Variants in GOLGA8A observed in about 807,000 individuals in gnomAD.
GOLGA8A encodes the protein golgin A8 family member A.
A neutral mutation model predicts 22.1 loss-of-function variants in GOLGA8A; 3 were observed. The observed-to-expected ratio is 0.14, with a 90% confidence interval of 0.06 to 0.35. GOLGA8A has a LOEUF of 0.35. GOLGA8A is among the 10% of genes least tolerant of loss of function. GOLGA8A has a pLI of 1.00. For synonymous variants in GOLGA8A, 7 were observed against 91.7 expected (o/e 0.08, Z 5.28); for missense variants, 16 against 233.2 (o/e 0.07, Z 6.07).
chr15:34,432,700 A>T (rs561732354), intron 2 of GOLGA8A, among the ~76,000 whole-genome samples: 9 of 149,194 alleles, frequency 6.0e-5, no homozygotes, highest in African/African-American at 2.2e-4. Context: ...ACAGTCACTC[A>T]ACGCAGGTAC....
At chr15:34,429,649 G>A (rs1893139442) in intron 2 of GOLGA8A, among the ~76,000 whole-genome samples, 1 of 148,558 alleles carries the variant, frequency 6.7e-6, no homozygotes, top group Non-Finnish European at 1.5e-5. Context: ...CCTTCCTCCT[G>A]ATCCCACCCA....
Position 34,423,917 on chromosome 15 carries a change from G to A in GOLGA8A, c.-1123+11466C>T, listed in dbSNP as rs377141014. On this transcript the variant is annotated intron_variant, in intron 2 of 24. Transcript: ENST00000359187. Reference sequence around the variant, plus strand: ...ACCACCACTGCCTGGGGGTCCTCACGTTTGGAGGAAGCAGCTGAGGCTACC... The same window carrying A: ...ACCACCACTGCCTGGGGGTCCTCACATTTGGAGGAAGCAGCTGAGGCTACC... Among the ~76,000 whole-genome samples, 6 of 148,896 alleles carry A rather than the reference G, an allele frequency of 4.0e-5. No homozygotes were observed. In the East Asian group the frequency reaches 6.0e-4, roughly 15 times the overall value.
At chr15:34,434,364 T>C (rs77496787) in intron 2 of GOLGA8A, among the ~76,000 whole-genome samples, 1 of 149,344 alleles carries the variant, frequency 6.7e-6, no homozygotes, top group Non-Finnish European at 1.5e-5. Flanking sequence ...ACAGAAATCA[T>C]AAAGCACACA....
chr15:34,421,594 G>T (rs1453343667), intron 2 of GOLGA8A, among the ~76,000 whole-genome samples: 2 of 143,844 alleles, frequency 1.4e-5, no homozygotes, highest in African/African-American at 5.1e-5. Flanking sequence ...GACTGCATGG[G>T]TTGAGGCACT....
chr15:34,384,662 TACAC>T (rs137863515), intron 16 of GOLGA8A, among the ~76,000 whole-genome samples: 1,062 of 2,544 alleles, frequency 0.42, 103 homozygotes, highest in Non-Finnish European at 0.44. Flanking sequence ...TCATACTATG[TACAC>T]ACACACACAC....
intron 2 of GOLGA8A, among the ~76,000 whole-genome samples, chr15:34,427,357 C>G (rs543982396): frequency 6.8e-6 from 1 of 146,512 alleles, no homozygotes; most frequent in Non-Finnish European, 1.5e-5. Flanking sequence ...AAAAAATTCA[C>G]CAGAAGTTCC....
chr15:34,436,502 T>C (rs72724807), intron 1 of GOLGA8A, among the ~76,000 whole-genome samples: 14,145 of 149,628 alleles, frequency 0.095, 1,799 homozygotes, highest in South Asian at 0.25. Flanking sequence ...AGTAAGCCTT[T>C]CTTCTGCCAG....
At chr15:34,435,797 G>A (rs1338004284) in intron 1 of GOLGA8A, among the ~76,000 whole-genome samples, 1 of 148,956 alleles carries the variant, frequency 6.7e-6, no homozygotes, top group South Asian at 2.2e-4. Flanking sequence ...GCCCAGAGAG[G>A]GAGCCCACTC....
intron 2 of GOLGA8A, among the ~76,000 whole-genome samples, chr15:34,430,456 C>G (rs895734477): frequency 6.7e-6 from 1 of 149,076 alleles, no homozygotes; most frequent in African/African-American, 2.5e-5. Context: ...ATGCCATTCC[C>G]GAGACAATCA....
Position 34,431,929 on chromosome 15 carries a change from G to A in GOLGA8A, c.-1123+3454C>T, listed in dbSNP as rs998960081. On this transcript the variant is annotated intron_variant, in intron 2 of 24. Coordinates refer to ENST00000359187, the MANE Select transcript of GOLGA8A (RefSeq NM_181077.5). The stretch of plus-strand genomic sequence containing the variant: ...ATATGCTATCATTCACCAAAACAAT[G>A]TCATGTGATGCATGACAGTACATAT... Among the ~76,000 whole-genome samples the A allele has an allele frequency of 1.9e-4, 28 of 148,858 alleles. 2 individuals are homozygous for A. Among genetic ancestry groups the A allele is most frequent in the African/African-American group, 6.7e-4 (27 of 40,282 alleles).
At position 34,427,330 on chromosome 15, in the gene GOLGA8A, C is replaced by CAA. The variant is rs67775520; in HGVS notation, c.-1123+8051_-1123+8052dup. Among the ~76,000 whole-genome samples, 242 of 78,700 alleles carry CAA rather than the reference C, an allele frequency of 3.1e-3. 5 individuals carry two copies. Among genetic ancestry groups the CAA allele is most frequent in the African/African-American group, 9.0e-3 (164 of 18,154 alleles). 51.6% of individuals were successfully genotyped at this position (78,700 alleles called of 152,430 possible). A position where few individuals can be genotyped will look rare whatever the true frequency, so the allele number is the denominator to read the frequency against. On this transcript the variant is annotated intron_variant, in intron 2 of 24. Transcript: ENST00000359187. Reference sequence around the variant, plus strand: ...TGGGTGACAGAGTGAGACTCCGTCACAAAAAAAAAAAAAAAAAAAAAATTC... The same window carrying CAA: ...TGGGTGACAGAGTGAGACTCCGTCACAAAAAAAAAAAAAAAAAAAAAAAATTC...
At chr15:34,431,182 T>C (rs1265950190) in intron 2 of GOLGA8A, among the ~76,000 whole-genome samples, 1 of 147,272 alleles carries the variant, frequency 6.8e-6, no homozygotes, top group East Asian at 2.0e-4. Context: ...TAAACGATAC[T>C]TGTTTATTAA....
intron 2 of GOLGA8A, chr15:34,428,846 GCTT>G (rs1415604792): frequency 7.0e-6 from 1 of 143,032 alleles, no homozygotes; most frequent in African/African-American, 2.6e-5. Flanking sequence ...TGTTCCCGCT[GCTT>G]CTTGGAGAAC....
chr15:34,435,081 C>T (rs1252616658), intron 2 of GOLGA8A, among the ~76,000 whole-genome samples: 1 of 149,520 alleles, frequency 6.7e-6, no homozygotes, highest in Non-Finnish European at 1.5e-5. Flanking sequence ...ACGACGGTGT[C>T]ACCTGAGGCC....
chr15:34,423,777 T>A (rs79628481), intron 2 of GOLGA8A, among the ~76,000 whole-genome samples: 11,818 of 149,006 alleles, frequency 0.079, 1,453 homozygotes, highest in South Asian at 0.24. Context: ...TCCACCTCCA[T>A]GGACCCTTTG....
intron 5 of GOLGA8A, among the ~76,000 whole-genome samples, chr15:34,403,123 T>C (rs1482754996): frequency 3.7e-4 from 18 of 48,092 alleles, no homozygotes; most frequent in Non-Finnish European, 6.1e-4. Context: ...CAGACCACCA[T>C]GGACTCCATG....
intron 2 of GOLGA8A, among the ~76,000 whole-genome samples, chr15:34,426,274 C>T (rs970409071): frequency 5.3e-5 from 8 of 149,744 alleles, no homozygotes; most frequent in Non-Finnish European, 1.0e-4. Flanking sequence ...GGACAAGGGA[C>T]CATCTCTAAG....
chr15:34,435,949 T>C (rs1331191136), intron 1 of GOLGA8A, among the ~76,000 whole-genome samples: 1 of 149,104 alleles, frequency 6.7e-6, no homozygotes, highest in African/African-American at 2.5e-5. Context: ...CCAGCCCTCC[T>C]GCCCCGCGGA....
rs74007823 is a variant in GOLGA8A at position 34,434,409 on chromosome 15, T to G, written c.-1123+974A>C. On this transcript the variant is annotated intron_variant, in intron 2 of 24. Transcript: ENST00000359187. The stretch of plus-strand genomic sequence containing the variant: ...CCCCACCAGTACGCAGGGTTCCACA[T>G]AGAGAGCCTGGCTGCATGATCTTGA... Among the ~76,000 whole-genome samples, 38 of 148,526 alleles carry G rather than the reference T, an allele frequency of 2.6e-4. 2 individuals carry two copies. Among genetic ancestry groups the G allele is most frequent in the Middle Eastern group, 6.8e-3 (2 of 294 alleles).
Sources: allele counts gnomAD v4.1 joint callset (sites outside exome capture counted in the v4.1 genomes callset), GRCh38; gene constraint gnomAD v4.1.1; transcripts MANE v1.5; gene names NCBI Gene and HGNC (gene_info 2026-07-23, HGNC 2026-07-21).